ARHGEF25: variants seen among roughly 807,000 people sequenced by gnomAD.
ARHGEF25 encodes the protein RAC/CDC42 exchange factor.
A neutral mutation model predicts 74.0 loss-of-function variants in ARHGEF25; 42 were observed. That is an observed-to-expected ratio of 0.57 (90% CI 0.44 to 0.73). The LOEUF (loss-of-function observed/expected upper bound fraction) is 0.73. Among genes scored for constraint, ARHGEF25 ranks in the 30% least tolerant of loss-of-function variants. The pLI is 0.00. For synonymous variants in ARHGEF25, 293 were observed against 278.6 expected (o/e 1.05, Z -0.51); for missense variants, 645 against 725.5 (o/e 0.89, Z 1.27).
chr12:57,616,039 C>T (rs780623578), intron 13 of ARHGEF25, 22 bp downstream of exon 13: 1 of 1,600,410 alleles, frequency 6.2e-7, no homozygotes, highest in Non-Finnish European at 8.5e-7. Flanking sequence ...ATCCTTTCTT[C>T]CCGATGTGCT....
Position 57,611,490 on chromosome 12 carries a change from C to G in ARHGEF25, c.-405C>G, listed in dbSNP as rs34181394. On this transcript the variant is annotated 5_prime_UTR_variant, in exon 1 of 15. Coordinates refer to ENST00000286494, the MANE Select transcript of ARHGEF25 (RefSeq NM_182947.4). This position sits in a 1 kb window ranked among gnomAD's most constrained non-coding sequence, Gnocchi z 4.5. Reference sequence around the variant, plus strand: ...CAGCGCCAGTGGCTCGGGGGTCGGCCCTCGCCTCCTCCCCGGCCCGGGCCT... The same window carrying G: ...CAGCGCCAGTGGCTCGGGGGTCGGCGCTCGCCTCCTCCCCGGCCCGGGCCT... The G allele has an allele frequency of 0.22, 217,741 of 985,428 alleles. 25,355 individuals carry two copies. Among genetic ancestry groups the G allele is most frequent in the Non-Finnish European group, 0.24 (197,117 of 830,064 alleles). 61.0% of individuals were successfully genotyped at this position (985,428 alleles called of 1,614,324 possible).
chr12:57,615,664 A>C lies in ARHGEF25; in HGVS notation c.1191A>C (p.Gly397=). The C allele has an allele frequency of 1.2e-6, 2 of 1,613,936 alleles. No individual in the cohort carries two copies. Among genetic ancestry groups the C allele is most frequent in the South Asian group, 2.2e-5 (2 of 91,064 alleles). ...IIIFSEALGG[G]VRGGTQPGYV... is the part of the protein sequence containing the mutation. ...TCTTCAGTGAAGCCCTGGGAGGAGG[A>C]GTGAGAGGTGGAACACAGCCTGGAT... Residue 397 remains glycine (G), a synonymous_variant, in exon 12 of 15, where the codon GGA becomes GGC. Transcript: ENST00000286494.
rs1167084712 is a variant in ARHGEF25 at position 57,616,838 on chromosome 12, C to T, written c.1687C>T (p.Pro563Ser). 6.2e-7 allele frequency: 1 copy of T among 1,614,092 alleles called. No individual in the cohort carries two copies. Among genetic ancestry groups the T allele is most frequent in the Non-Finnish European group, 8.5e-7 (1 of 1,179,970 alleles). ...PHDSPPVSPT[P>S]KTPPCQARLA... ...TGACTCTCCTCCAGTCTCTCCAACT[C>T]CAAAAACCCCTCCCTGCCAAGCCAG... The change falls in exon 15 of 15, where the codon CCA (proline) becomes TCA (serine). Residue 563 changes from proline (P) to serine (S), a missense_variant. This residue lies in a region of ARHGEF25 where 262 missense variants were observed against 256.9 expected (regional missense o/e 1.02). Coordinates refer to ENST00000286494, the MANE Select transcript of ARHGEF25 (RefSeq NM_182947.4).
upstream of ARHGEF25, among the ~76,000 whole-genome samples, chr12:57,610,894 C>T (rs1184679558): frequency 2.0e-5 from 3 of 152,224 alleles, no homozygotes; most frequent in East Asian, 3.9e-4. Context: ...AGTGTCCCCG[C>T]GCCCCACCCC....
chr12:57,611,341 G>C (rs1225174636), upstream of ARHGEF25: 1 of 705,096 alleles, frequency 1.4e-6, no homozygotes, highest in Non-Finnish European at 1.7e-6. The surrounding 1 kb of genome is among the most constrained non-coding windows in gnomAD (Gnocchi z 4.5). Flanking sequence ...ATCGGGGCGG[G>C]AACCCGGCGC....
In ARHGEF25 at chr12:57,613,744, T is replaced by C; in HGVS notation, c.536T>C (p.Leu179Ser). ...VETEKMYVDDLGQIVEGYMAT... is the reference protein window; with the variant it reads ...VETEKMYVDDSGQIVEGYMAT... Reference sequence around the variant, plus strand: ...ACAGAGAAAATGTACGTGGACGACTTGGGGCAGATTGTGGAGGTAGCTCCC... The same window carrying C: ...ACAGAGAAAATGTACGTGGACGACTCGGGGCAGATTGTGGAGGTAGCTCCC... The change falls in exon 5 of 15, where the codon TTG becomes TCG. Residue 179 changes from leucine to serine, a missense_variant. By Grantham distance (145) the Leu-to-Ser change is moderately radical (BLOSUM62 -2). Coordinates refer to ENST00000286494, the MANE Select transcript of ARHGEF25 (RefSeq NM_182947.4). The C allele has an allele frequency of 6.2e-7, 1 of 1,614,108 alleles. No homozygotes were observed. The highest frequency in any genetic ancestry group is 8.5e-7 in the Non-Finnish European group (1 of 1,179,992).
At position 57,614,991 on chromosome 12, in the gene ARHGEF25, G is replaced by A. The variant is rs1448254356; in HGVS notation, c.934G>A (p.Ala312Thr). ...GGATTTTCTCAAGTATTACAATAGA[G>A]CTGGGATGGATACTGCAGACCTAGA... is the stretch of plus-strand genomic sequence containing the variant. ...LKDFLKYYNRAGMDTADLEQA... is the reference protein window; with the variant it reads ...LKDFLKYYNRTGMDTADLEQA... Residue 312 changes from alanine (A) to threonine (T), a missense_variant, in exon 10 of 15, where the codon GCT becomes ACT. By Grantham distance (58) the Ala-to-Thr change is moderately conservative (BLOSUM62 0). This residue lies in a region of ARHGEF25 where 194 missense variants were observed against 269.4 expected (regional missense o/e 0.72). Transcript: ENST00000286494. The surrounding 1 kb of genome is among the most constrained non-coding windows in gnomAD (Gnocchi z 4.6). The A allele has an allele frequency of 1.2e-6, 2 of 1,614,012 alleles. No homozygotes were observed. Among genetic ancestry groups the A allele is most frequent in the Non-Finnish European group, 1.7e-6 (2 of 1,180,028 alleles).
In ARHGEF25 at chr12:57,614,457, T is replaced by C. The variant is rs1884191013; in HGVS notation, c.726+57T>C. On this transcript the variant is annotated intron_variant, in intron 7 of 14. Coordinates refer to ENST00000286494, the MANE Select transcript of ARHGEF25 (RefSeq NM_182947.4). The surrounding 1 kb of genome is among the most constrained non-coding windows in gnomAD (Gnocchi z 4.6). ...GGCTTAGGAATGGGCTGGGATTCTC[T>C]GGAGATGCGTCCTCCCTCCTTGCCC... 2.5e-6 allele frequency: 4 copies of C among 1,613,776 alleles called. No individual in the cohort carries two copies. In the Admixed American group the frequency reaches 5.0e-5, roughly 20 times the overall value.
At position 57,611,965 on chromosome 12, in the gene ARHGEF25, G is replaced by A; in HGVS notation, c.71G>A (p.Gly24Asp). ...RVIRKVLAKCGCCFARGGRES... is the reference protein window; with the variant it reads ...RVIRKVLAKCDCCFARGGRES... ...ATCCGAAAAGTGCTGGCAAAATGCGGCTGCTGCTTCGCCCGGGGGGGACGT... is the reference window on the plus strand; with the variant it reads ...ATCCGAAAAGTGCTGGCAAAATGCGACTGCTGCTTCGCCCGGGGGGGACGT... The change falls in exon 1 of 15, where the codon GGC becomes GAC. Residue 24 changes from glycine to aspartate, a missense_variant. Transcript: ENST00000286494. This position sits in a 1 kb window ranked among gnomAD's most constrained non-coding sequence, Gnocchi z 4.5. 7.6e-7 allele frequency: 1 copy of A among 1,314,044 alleles called. No homozygotes were observed. The highest frequency in any genetic ancestry group is 2.8e-5 in the East Asian group (1 of 35,706). The allele number at this position is 1,314,044 out of a possible 1,614,324, so 81.4% of individuals were successfully genotyped here.
rs1388935044 is a variant in ARHGEF25, at chr12:57,617,009, GGC to G, written c.*116_*117del. 5.0e-6 allele frequency: 4 copies of G among 807,750 alleles called. No homozygotes were observed. The Admixed American group carries it at 9.2e-5, about 19-fold the overall frequency. The allele number at this position is 807,750 out of a possible 1,614,324, so 50.0% of individuals were successfully genotyped here. A position where few individuals can be genotyped will look rare whatever the true frequency, so the allele number is the denominator to read the frequency against. ...TCCTTCTTGGTGTGTCTGGAGGGTGGGCAAGGCTGGGAGGGATATCAACTTGG... is the reference window on the plus strand; with the variant it reads ...TCCTTCTTGGTGTGTCTGGAGGGTGGAAGGCTGGGAGGGATATCAACTTGG... On this transcript the variant is annotated 3_prime_UTR_variant, in exon 15 of 15. Transcript: ENST00000286494.
chr12:57,611,836 C>A lies in ARHGEF25; in HGVS notation c.-59C>A. 5 of 1,200,148 alleles carry A rather than the reference C, an allele frequency of 4.2e-6. No individual in the cohort carries two copies. The highest frequency in any genetic ancestry group is 5.3e-6 in the Non-Finnish European group (5 of 951,396). 74.3% of individuals were successfully genotyped at this position (1,200,148 alleles called of 1,614,324 possible). A position where few individuals can be genotyped will look rare whatever the true frequency, so the allele number is the denominator to read the frequency against. ...CGCCCGGCGCCGTCCCCGCCCCGCC[C>A]CCCGTGATTCCCCCTGCATGGCCGG... is the stretch of plus-strand genomic sequence containing the variant. On this transcript the variant is annotated 5_prime_UTR_variant, in exon 1 of 15. Transcript: ENST00000286494. The surrounding 1 kb of genome is among the most constrained non-coding windows in gnomAD (Gnocchi z 4.5).
chr12:57,610,200 C>T (rs749789011), upstream of ARHGEF25: 18 of 1,552,600 alleles, frequency 1.2e-5, no homozygotes, highest in Non-Finnish European at 1.6e-5. Flanking sequence ...AAACTTGGAG[C>T]AGGGTGGGGG....
upstream of ARHGEF25, chr12:57,610,275 G>T: frequency 6.3e-7 from 1 of 1,589,776 alleles, no homozygotes; most frequent in Non-Finnish European, 8.6e-7. Context: ...GGGGTCATGG[G>T]GGGCATGCTG....
At chr12:57,613,637 T>C (rs1884152434) in intron 4 of ARHGEF25, 57 bp from the exon 5 acceptor site, 1 of 1,611,834 alleles carries the variant, frequency 6.2e-7, no homozygotes, top group African/African-American at 1.3e-5. Context: ...AGGAACGGGC[T>C]GAACCAAGGA....
In ARHGEF25 at chr12:57,617,088, CT is replaced by C; in HGVS notation, c.*196del. The C allele has an allele frequency of 1.2e-5, 3 of 256,796 alleles. No individual in the cohort carries two copies. The highest frequency in any genetic ancestry group is 2.2e-5 in the Non-Finnish European group (3 of 138,226). 15.9% of individuals were successfully genotyped at this position (256,796 alleles called of 1,614,324 possible). On this transcript the variant is annotated 3_prime_UTR_variant, in exon 15 of 15. Transcript: ENST00000286494. ...TTTTCTGCCCAAGGAACACAGTTTC[CT>C]TCAGCTCCCATCCCTATGCATGCAT...
In ARHGEF25 at chr12:57,611,625, C is replaced by T. The variant is rs1884046113; in HGVS notation, c.-270C>T. The T allele has an allele frequency of 9.5e-7, 1 of 1,049,408 alleles. No individual in the cohort carries two copies. The highest frequency in any genetic ancestry group is 1.1e-6 in the Non-Finnish European group (1 of 871,366). 65.0% of individuals were successfully genotyped at this position (1,049,408 alleles called of 1,614,324 possible). ...CACTGGACATCTGGACCCTAGGCCCCCGCACCGACAGGGTTCCGGAAACCC... is the reference window on the plus strand; with the variant it reads ...CACTGGACATCTGGACCCTAGGCCCTCGCACCGACAGGGTTCCGGAAACCC... On this transcript the variant is annotated 5_prime_UTR_variant, in exon 1 of 15. Transcript: ENST00000286494. The surrounding 1 kb of genome is among the most constrained non-coding windows in gnomAD (Gnocchi z 4.5).
In ARHGEF25 at chr12:57,614,531, A is replaced by G; in HGVS notation, c.742A>G (p.Met248Val). The change falls in exon 8 of 15, where the codon ATG becomes GTG. Residue 248 changes from methionine (M) to valine (V), a missense_variant. Transcript: ENST00000286494. The surrounding 1 kb of genome is among the most constrained non-coding windows in gnomAD (Gnocchi z 4.6). ...LFIKHERRLH[M>V]YVVYCQNKPK... The stretch of plus-strand genomic sequence containing the variant: ...CCCCTGTTAGGAGCGCCGGCTGCAT[A>G]TGTATGTGGTGTACTGTCAGAATAA... 1 of 1,613,900 alleles carries G rather than the reference A, an allele frequency of 6.2e-7. No homozygotes were observed. Among genetic ancestry groups the G allele is most frequent in the Non-Finnish European group, 8.5e-7 (1 of 1,180,002 alleles).
rs187426483 is a variant in ARHGEF25 at position 57,614,712 on chromosome 12, C to T, written c.840C>T (p.His280=). The T allele has an allele frequency of 2.4e-5, 39 of 1,613,558 alleles. No individual in the cohort carries two copies. The African/African-American group carries it at 5.2e-4, about 22-fold the overall frequency. The change falls in exon 9 of 15, where the codon CAC becomes CAT. Residue 280 remains histidine, a synonymous_variant. Coordinates refer to ENST00000286494, the MANE Select transcript of ARHGEF25 (RefSeq NM_182947.4). The surrounding 1 kb of genome is among the most constrained non-coding windows in gnomAD (Gnocchi z 4.6). ...AGGAGCTCCGGCAGCAGCTGGGGCA[C>T]CGCCTGCAGCTGAACGACCTCCTCA... The part of the protein sequence containing the change: ...YFEELRQQLG[H]RLQLNDLLIK...
upstream of ARHGEF25, chr12:57,610,348 T>G (rs1444219504): frequency 2.8e-6 from 3 of 1,062,590 alleles, no homozygotes; most frequent in African/African-American, 1.6e-5. Flanking sequence ...GGGTCGGGGG[T>G]CTTTCGGGGC....
Sources: gnomAD v4.1 joint callset for allele counts (sites outside exome capture counted in the v4.1 genomes callset) on GRCh38, gnomAD v4.1.1 for gene constraint, gnomAD v4.1.1 regional missense constraint, Gnocchi (gnomAD v3.1) non-coding constraint, MANE v1.5 for transcripts, NCBI Gene and HGNC (gene_info 2026-07-23, HGNC 2026-07-21) for gene names.